ZNF618: variants seen among roughly 807,000 people sequenced by gnomAD.
ZNF618 encodes zinc finger protein 618, also known as neural precursor cell expressed, developmentally down-regulated 10.
In ZNF618, 34 loss-of-function variants were observed where a neutral mutation model predicts 103.0. The ratio of observed to expected loss-of-function variants is 0.33; its 90% CI spans 0.25 to 0.44. The LOEUF (loss-of-function observed/expected upper bound fraction) is 0.44. Among genes scored for constraint, ZNF618 ranks in the 20% least tolerant of loss-of-function variants. ZNF618 has a pLI of 1.00. For missense variants in ZNF618, 1,059 were observed against 1,295.4 expected (o/e 0.82, Z 2.80); for synonymous variants, 551 against 542.2 (o/e 1.02, Z -0.23).
At chr9:113,962,544 C>T (rs1836949428) in intron 1 of ZNF618, among the ~76,000 whole-genome samples, 1 of 152,240 alleles carries the variant, frequency 6.6e-6, no homozygotes, top group African/African-American at 2.4e-5. Flanking sequence ...CCCATGATCT[C>T]TCCTCCTCTT....
chr9:113,946,074 T>C (rs1306600576), intron 1 of ZNF618, among the ~76,000 whole-genome samples: 1 of 152,100 alleles, frequency 6.6e-6, no homozygotes, highest in East Asian at 1.9e-4. Flanking sequence ...TGCCTTTTCT[T>C]CTAGAATAAT....
chr9:114,038,536 A>C lies in ZNF618; in HGVS notation c.1246+2159A>C, dbSNP rs57092397. Among the ~76,000 whole-genome samples, 730 of 152,336 alleles carry C rather than the reference A, an allele frequency of 4.8e-3. 11 individuals carry two copies. In the East Asian group the frequency reaches 0.049, roughly 10 times the overall value. ...ATGAGCTGCGCAGTTCACAGCGCCG[A>C]CGATAAGGAGGATCAGCCTTGAATA... On this transcript the variant is annotated intron_variant, in intron 13 of 14. Coordinates refer to ENST00000374126, the MANE Select transcript of ZNF618 (RefSeq NM_001318042.2).
intron 1 of ZNF618, among the ~76,000 whole-genome samples, chr9:113,905,348 C>T (rs1830899485): frequency 6.6e-6 from 1 of 152,190 alleles, no homozygotes; most frequent in Non-Finnish European, 1.5e-5. Context: ...TGCTATTCAG[C>T]CTTGTTCAGC....
At chr9:114,035,080 C>A in intron 12 of ZNF618, 1 of 754,378 alleles carries the variant, frequency 1.3e-6, no homozygotes, top group Non-Finnish European at 1.6e-6. Context: ...GGATGCTCCC[C>A]ACTCCTCTGA....
At chr9:113,990,192 TC>T (rs1424685513) in intron 3 of ZNF618, among the ~76,000 whole-genome samples, 2 of 152,192 alleles carry the variant, frequency 1.3e-5, no homozygotes, top group East Asian at 3.8e-4. Context: ...CCAGAAGACT[TC>T]CTTGATCTCT....
intron 2 of ZNF618, among the ~76,000 whole-genome samples, chr9:113,977,931 A>G (rs1404772378): frequency 2.6e-5 from 4 of 152,316 alleles, no homozygotes; most frequent in African/African-American, 4.8e-5. Context: ...GTGAACTCCA[A>G]TATTACCTAA....
intron 1 of ZNF618, among the ~76,000 whole-genome samples, chr9:113,882,465 C>G (rs994803132): frequency 2.6e-5 from 4 of 152,194 alleles, no homozygotes; most frequent in African/African-American, 9.7e-5. Context: ...TGAGTTGACT[C>G]AACCCAGTGG....
chr9:114,026,136 G>C (rs1016700855), intron 10 of ZNF618, among the ~76,000 whole-genome samples: 3 of 152,206 alleles, frequency 2.0e-5, no homozygotes, highest in Non-Finnish European at 4.4e-5. Flanking sequence ...TTTAAGTACA[G>C]TGTGTAGGAC....
At chr9:113,953,371 A>G (rs917425057) in intron 1 of ZNF618, among the ~76,000 whole-genome samples, 2 of 152,234 alleles carry the variant, frequency 1.3e-5, no homozygotes, top group African/African-American at 4.8e-5. Context: ...GATGTACAGC[A>G]TGAGTATTTG....
rs990210527 is a variant in ZNF618, at chr9:114,032,539, A to G, written c.1085-106A>G. ...AGGTCCTGGAGCCCTCACGAGAGCT[A>G]GTTGGCCCAGCAGAGTCCTTGGCCT... On this transcript the variant is annotated intron_variant, in intron 11 of 14. Coordinates refer to ENST00000374126, the MANE Select transcript of ZNF618 (RefSeq NM_001318042.2). 5 of 968,562 alleles carry G rather than the reference A, an allele frequency of 5.2e-6. No homozygotes were observed. In the African/African-American group the frequency reaches 6.4e-5, roughly 12 times the overall value. 60.0% of individuals were successfully genotyped at this position (968,562 alleles called of 1,614,324 possible).
At chr9:113,944,278 A>G (rs1376364725) in intron 1 of ZNF618, among the ~76,000 whole-genome samples, 1 of 152,122 alleles carries the variant, frequency 6.6e-6, no homozygotes, top group East Asian at 1.9e-4. Context: ...TTTGTTTAAA[A>G]TTCTTTCTAT....
chr9:113,931,745 T>C (rs1480504279), intron 1 of ZNF618, among the ~76,000 whole-genome samples: 1 of 152,244 alleles, frequency 6.6e-6, no homozygotes, highest in Non-Finnish European at 1.5e-5. Context: ...CTAATAATTA[T>C]TTCAGTATTG....
intron 1 of ZNF618, among the ~76,000 whole-genome samples, chr9:113,956,135 G>GGAGGCA: frequency 6.7e-6 from 1 of 149,462 alleles, no homozygotes; most frequent in South Asian, 2.1e-4. Flanking sequence ...CTTGAACCCG[G>GGAGGCA]GAGGCAGAGG....
At chr9:113,980,011 G>A (rs1838835021) in intron 2 of ZNF618, among the ~76,000 whole-genome samples, 2 of 152,108 alleles carry the variant, frequency 1.3e-5, no homozygotes, top group Non-Finnish European at 2.9e-5. Context: ...AGTGGTGGTC[G>A]TGGTATGGTA....
intron 1 of ZNF618, among the ~76,000 whole-genome samples, chr9:113,938,564 C>CTTTTTTTTTT (rs751883694): frequency 3.9e-5 from 3 of 77,690 alleles, no homozygotes; most frequent in East Asian, 4.1e-4. Flanking sequence ...ATTATATTTT[C>CTTTTTTTTTT]TTTTTTTCTT....
intron 10 of ZNF618, among the ~76,000 whole-genome samples, chr9:114,019,728 A>G (rs1043952207): frequency 5.3e-5 from 8 of 152,152 alleles, no homozygotes; most frequent in Admixed American, 3.3e-4. Flanking sequence ...AGTTCTTTCT[A>G]TATTCCAGTA....
At chr9:114,000,472 G>T (rs1357853749) in intron 4 of ZNF618, among the ~76,000 whole-genome samples, 1 of 145,460 alleles carries the variant, frequency 6.9e-6, no homozygotes, top group African/African-American at 2.4e-5. Flanking sequence ...TTAAAACATT[G>T]TAAGTCTTTT....
intron 3 of ZNF618, among the ~76,000 whole-genome samples, chr9:113,993,051 G>GTTTAATAA (rs1255117222): frequency 6.6e-5 from 10 of 152,280 alleles, no homozygotes; most frequent in Middle Eastern, 3.4e-3. Flanking sequence ...TAATAACTTT[G>GTTTAATAA]CTGGATAAAA....
intron 1 of ZNF618, among the ~76,000 whole-genome samples, chr9:113,916,252 C>G (rs1588031446): frequency 6.6e-6 from 1 of 152,042 alleles, no homozygotes; most frequent in East Asian, 1.9e-4. Context: ...TGTTATATGG[C>G]TGCAATAAAA....
Sources: allele counts gnomAD v4.1 joint callset (sites outside exome capture counted in the v4.1 genomes callset), GRCh38; gene constraint gnomAD v4.1.1; transcripts MANE v1.5; gene names NCBI Gene and HGNC (gene_info 2026-07-23, HGNC 2026-07-21).